Variants in PRKAR2A observed in about 807,000 individuals in gnomAD.
PRKAR2A encodes the protein protein kinase cAMP-dependent type II regulatory subunit alpha.
In PRKAR2A, 29 loss-of-function variants were observed where a neutral mutation model predicts 51.9. The ratio of observed to expected loss-of-function variants is 0.56; its 90% CI spans 0.42 to 0.76. PRKAR2A has a LOEUF of 0.76. Among genes scored for constraint, PRKAR2A ranks in the 30% least tolerant of loss-of-function variants. The probability of loss-of-function intolerance (pLI) is 0.00; values close to 1 mark genes in which losing one functional copy is unlikely to be tolerated. For missense variants in PRKAR2A, 445 were observed against 512.1 expected, an observed-to-expected ratio of 0.87 and a Z score of 1.26; for synonymous variants, 178 against 186.2, an observed-to-expected ratio of 0.96 and a Z score of 0.36.
intron 5 of PRKAR2A, among the ~76,000 whole-genome samples, chr3:48,780,263 ATAT>A (rs1244434016): frequency 3.3e-5 from 5 of 152,082 alleles, no homozygotes; most frequent in Admixed American, 6.6e-5. Flanking sequence ...CTCTGAGAAG[ATAT>A]TATTTATGTC....
intron 10 of PRKAR2A, 93 bp downstream of exon 10, chr3:48,752,083 G>A (rs2081657022): frequency 1.4e-6 from 2 of 1,442,568 alleles, no homozygotes; most frequent in Admixed American, 4.5e-5. Flanking sequence ...CTAGACAGCA[G>A]TAAAAGATGG....
intron 1 of PRKAR2A, among the ~76,000 whole-genome samples, chr3:48,829,640 A>T (rs1347686563): frequency 7.3e-6 from 1 of 137,170 alleles, no homozygotes; most frequent in African/African-American, 2.8e-5. Context: ...ACACACACAT[A>T]AATGTGTGTG....
intron 6 of PRKAR2A, among the ~76,000 whole-genome samples, chr3:48,770,530 G>C (rs1417409806): frequency 1.3e-5 from 2 of 152,130 alleles, no homozygotes; most frequent in African/African-American, 4.8e-5. Context: ...GACCTTCTGT[G>C]AGTTACTTTC....
At chr3:48,819,075 TCACTGCAACCTCC>T (rs1232081041) in intron 1 of PRKAR2A, among the ~76,000 whole-genome samples, 1 of 152,098 alleles carries the variant, frequency 6.6e-6, no homozygotes, top group Non-Finnish European at 1.5e-5. Context: ...CAATCTCTGC[TCACTGCAACCTCC>T]CACTGCAACC....
chr3:48,795,575 C>A (rs1003760917), intron 2 of PRKAR2A, among the ~76,000 whole-genome samples: 1 of 152,160 alleles, frequency 6.6e-6, no homozygotes, highest in African/African-American at 2.4e-5. Flanking sequence ...CTCGTTCCTT[C>A]GCTCAGGTTG....
At chr3:48,800,100 C>T (rs1330181737) in intron 2 of PRKAR2A, among the ~76,000 whole-genome samples, 1 of 151,564 alleles carries the variant, frequency 6.6e-6, no homozygotes, top group Non-Finnish European at 1.5e-5. Context: ...CCTTGTGATC[C>T]ACCCGCCTTG....
chr3:48,817,639 CT>C (rs1429588869), intron 1 of PRKAR2A, among the ~76,000 whole-genome samples: 5 of 149,210 alleles, frequency 3.4e-5, no homozygotes, highest in African/African-American at 1.2e-4. Flanking sequence ...AGGAACGAAA[CT>C]CCATCTTAAA....
rs1177374619 is a variant in PRKAR2A at position 48,791,903 on chromosome 3, C to CA, written c.352-1277dup. Among the ~76,000 whole-genome samples, 198 of 41,894 alleles carry CA rather than the reference C, an allele frequency of 4.7e-3. 14 individuals are homozygous for CA. Among genetic ancestry groups the CA allele is most frequent in the African/African-American group, 8.0e-3 (69 of 8,594 alleles). 27.5% of individuals were successfully genotyped at this position (41,894 alleles called of 152,430 possible). Reference sequence around the variant, plus strand: ...GGGCAACAAGAGCGAAACTCTGTCTCAAAAAAAAAAAAAAAAAAAAAAAAA... The same window carrying CA: ...GGGCAACAAGAGCGAAACTCTGTCTCAAAAAAAAAAAAAAAAAAAAAAAAAA... On this transcript the variant is annotated intron_variant, in intron 3 of 10. Transcript: ENST00000265563.
rs935201927 is a variant in PRKAR2A, at chr3:48,847,212, T to C, written c.262+123A>G. On this transcript the variant is annotated intron_variant, in intron 1 of 10. Transcript: ENST00000265563. This position sits in a 1 kb window ranked among gnomAD's most constrained non-coding sequence, Gnocchi z 4.4. ...CTCAGGGAAACGCTAGAAACGCGGC[T>C]ACAGAGCTCCCAATCCCAGCCTGCG... 1 of 1,264,856 alleles carries C rather than the reference T, an allele frequency of 7.9e-7. No homozygotes were observed. 78.4% of individuals were successfully genotyped at this position (1,264,856 alleles called of 1,614,324 possible). A position where few individuals can be genotyped will look rare whatever the true frequency, so the allele number is the denominator to read the frequency against.
intron 1 of PRKAR2A, among the ~76,000 whole-genome samples, chr3:48,843,331 C>G (rs1299270419): frequency 2.4e-4 from 36 of 151,876 alleles, no homozygotes; most frequent in Non-Finnish European, 4.1e-4. Context: ...AGTGGTCTAT[C>G]AATTTTGTTG....
intron 8 of PRKAR2A, 75 bp downstream of exon 8, chr3:48,764,929 G>A (rs1559605960): frequency 2.9e-6 from 4 of 1,393,546 alleles, no homozygotes. Context: ...CCGGCAAGAA[G>A]TTTTTGAGAT....
At position 48,816,302 on chromosome 3, in the gene PRKAR2A, C is replaced by A. The variant is rs1259870505; in HGVS notation, c.263-8618G>T. On this transcript the variant is annotated intron_variant, in intron 1 of 10. Transcript: ENST00000265563. ...GTTCATTGTCTGTCTAGAGTATAGACCATGAACTCTTAGAAGACTGGCATT... is the reference window on the plus strand; with the variant it reads ...GTTCATTGTCTGTCTAGAGTATAGAACATGAACTCTTAGAAGACTGGCATT... Among the ~76,000 whole-genome samples, 3 of 152,218 alleles carry A rather than the reference C, an allele frequency of 2.0e-5. No individual in the cohort carries two copies. The East Asian group carries it at 5.8e-4, about 29-fold the overall frequency.
intron 1 of PRKAR2A, among the ~76,000 whole-genome samples, chr3:48,839,941 G>A (rs529540208): frequency 6.6e-6 from 1 of 152,238 alleles, no homozygotes; most frequent in South Asian, 2.1e-4. Flanking sequence ...CATACATTGT[G>A]CAACCATCAC....
chr3:48,829,578 ATATGTGTGTATATATACACACACAT>A (rs2083133883), intron 1 of PRKAR2A, among the ~76,000 whole-genome samples: 1 of 36,258 alleles, frequency 2.8e-5, no homozygotes, highest in Non-Finnish European at 4.2e-5. Flanking sequence ...ACATAAATAT[ATATGTGTGTATATATACACACACAT>A]AAATGTGTGT....
Position 48,751,569 on chromosome 3 carries a change from C to G in PRKAR2A, c.*16G>C. On this transcript the variant is annotated 3_prime_UTR_variant, in exon 11 of 11. Coordinates refer to ENST00000265563, the MANE Select transcript of PRKAR2A (RefSeq NM_004157.4). ...GTTTTGGTGTCACACTAAGAAGGCT[C>G]TGGGGTGTGGCACACCTACTGCCCG... The G allele has an allele frequency of 6.2e-7, 1 of 1,609,204 alleles. No homozygotes were observed. Among genetic ancestry groups the G allele is most frequent in the African/African-American group, 1.3e-5 (1 of 74,976 alleles).
intron 1 of PRKAR2A, among the ~76,000 whole-genome samples, chr3:48,834,594 T>C (rs1002645830): frequency 6.6e-6 from 1 of 151,456 alleles, no homozygotes; most frequent in East Asian, 1.9e-4. Context: ...GGCGTGGTGG[T>C]GCATGCCTGT....
At chr3:48,818,994 C>A (rs1038945183) in intron 1 of PRKAR2A, among the ~76,000 whole-genome samples, 1 of 151,966 alleles carries the variant, frequency 6.6e-6, no homozygotes, top group Non-Finnish European at 1.5e-5. Context: ...GCCACGTATA[C>A]CCTGTTCAAA....
intron 4 of PRKAR2A, among the ~76,000 whole-genome samples, chr3:48,790,189 T>G (rs2082362210): frequency 6.6e-6 from 1 of 152,154 alleles, no homozygotes; most frequent in African/African-American, 2.4e-5. Flanking sequence ...TGGGTGGCAG[T>G]AGAGCAGGAC....
chr3:48,789,490 ATT>A (rs1210177675), intron 4 of PRKAR2A, among the ~76,000 whole-genome samples: 26 of 130,810 alleles, frequency 2.0e-4, no homozygotes, highest in Admixed American at 3.1e-4. Context: ...TTCTTATTCT[ATT>A]TTTTTTTTTT....
Sources: allele counts gnomAD v4.1 joint callset (sites outside exome capture counted in the v4.1 genomes callset), GRCh38; gene constraint gnomAD v4.1.1; non-coding constraint Gnocchi (gnomAD v3.1); transcripts MANE v1.5; gene names NCBI Gene and HGNC (gene_info 2026-07-23, HGNC 2026-07-21).